RBFOX1: variants seen among roughly 807,000 people sequenced by gnomAD.
The protein encoded by RBFOX1 is RNA binding protein fox-1 homolog 1.
In RBFOX1, 8 loss-of-function variants were observed where a neutral mutation model predicts 57.7. That is an observed-to-expected ratio of 0.14 (90% CI 0.08 to 0.25). RBFOX1 has a LOEUF of 0.25. RBFOX1 is among the 10% of genes least tolerant of loss of function. The probability of loss-of-function intolerance (pLI) is 1.00; values close to 1 mark genes in which losing one functional copy is unlikely to be tolerated. For synonymous variants in RBFOX1, 326 were observed against 222.4 expected (o/e 1.47, Z -4.15); for missense variants, 611 against 548.5 (o/e 1.11, Z -1.14).
chr16:6,762,157 TGTA>T (rs1381683991), intron 3 of RBFOX1, among the ~76,000 whole-genome samples: 2 of 152,132 alleles, frequency 1.3e-5, no homozygotes, highest in Non-Finnish European at 2.9e-5. Flanking sequence ...CTCTGTAAAA[TGTA>T]GTAACAGTAA....
chr16:5,842,176 G>A (rs1395362213), intron 3 of RBFOX1, among the ~76,000 whole-genome samples: 1 of 152,206 alleles, frequency 6.6e-6, no homozygotes, highest in Middle Eastern at 3.2e-3. Flanking sequence ...AGGGAACAGT[G>A]TTTAAAAGGC....
At chr16:6,379,073 G>A (rs1443229840) in intron 2 of RBFOX1, among the ~76,000 whole-genome samples, 1 of 152,126 alleles carries the variant, frequency 6.6e-6, no homozygotes, top group Non-Finnish European at 1.5e-5. Flanking sequence ...GGAGGAGGAG[G>A]AGGATGCCCA....
chr16:7,033,054 G>C (rs963236033), intron 3 of RBFOX1, among the ~76,000 whole-genome samples: 1 of 152,128 alleles, frequency 6.6e-6, no homozygotes, highest in Non-Finnish European at 1.5e-5. Flanking sequence ...CACTAGCCCT[G>C]TCTTCAGAAG....
intron 9 of RBFOX1, among the ~76,000 whole-genome samples, chr16:7,602,233 C>T (rs1053599298): frequency 2.0e-5 from 3 of 152,152 alleles, no homozygotes; most frequent in African/African-American, 7.2e-5. Flanking sequence ...GACACTTGAC[C>T]TTTGACAAGC....
At chr16:7,196,488 A>T (rs1167471764) in intron 4 of RBFOX1, among the ~76,000 whole-genome samples, 1 of 152,204 alleles carries the variant, frequency 6.6e-6, no homozygotes, top group Non-Finnish European at 1.5e-5. Context: ...TGGCTTCCCA[A>T]ACATTTAAGA....
At chr16:5,572,698 C>T (rs2046322381) in intron 2 of RBFOX1, among the ~76,000 whole-genome samples, 1 of 152,018 alleles carries the variant, frequency 6.6e-6, no homozygotes, top group Non-Finnish European at 1.5e-5. Flanking sequence ...GTAGGGTTGG[C>T]CATTTTACAA....
chr16:6,702,120 G>C (rs756860128), intron 3 of RBFOX1, among the ~76,000 whole-genome samples: 4 of 152,110 alleles, frequency 2.6e-5, no homozygotes, highest in African/African-American at 9.7e-5. Context: ...ATTAGACCTC[G>C]TGGTAAATCA....
rs1598037658 is a variant in RBFOX1 at position 6,946,000 on chromosome 16, T to C, written c.-15-106057T>C. Among the ~76,000 whole-genome samples, 4 of 152,366 alleles carry C rather than the reference T, an allele frequency of 2.6e-5. No individual in the cohort carries two copies. In the South Asian group the frequency reaches 8.3e-4, roughly 32 times the overall value. ...AGTGTCTTTTGGCCTGAGGTCTTTC[T>C]GGAGCCTCTGGAGCCCCCTTTGCCT... On this transcript the variant is annotated intron_variant, in intron 3 of 15. Coordinates refer to ENST00000550418, the MANE Select transcript of RBFOX1 (RefSeq NM_018723.4).
chr16:7,023,564 T>TAAAAAAAACAAAAAAAA (rs2039955753), intron 3 of RBFOX1, among the ~76,000 whole-genome samples: 1 of 43,916 alleles, frequency 2.3e-5, no homozygotes, highest in Non-Finnish European at 4.1e-5. Flanking sequence ...TCGTCTGTAC[T>TAAAAAAAACAAAAAAAA]AAAAAAAAAA....
Position 6,906,650 on chromosome 16 carries a change from A to T in RBFOX1, c.-15-145407A>T, listed in dbSNP as rs1048837988. On this transcript the variant is annotated intron_variant, in intron 3 of 15. Transcript: ENST00000550418. ...TGAGGACAGGAACAGCGTTTTCTTC[A>T]TCTCTGAACTCTTGGGACTTAAAAA... 1.6e-4 allele frequency among the ~76,000 whole-genome samples: 25 copies of T among 152,146 alleles called. No homozygotes were observed. In the East Asian group the frequency reaches 3.3e-3, roughly 20 times the overall value.
chr16:6,802,244 C>T (rs184722838), intron 3 of RBFOX1, among the ~76,000 whole-genome samples: 2 of 152,208 alleles, frequency 1.3e-5, no homozygotes, highest in Admixed American at 6.5e-5. Flanking sequence ...CTTAACCACT[C>T]AGTCAGTGCC....
At chr16:7,594,328 G>C (rs968720937) in intron 7 of RBFOX1, among the ~76,000 whole-genome samples, 7 of 152,092 alleles carry the variant, frequency 4.6e-5, no homozygotes, top group African/African-American at 1.7e-4. Context: ...ACTCAACTTG[G>C]AGCCAACAAG....
intron 5 of RBFOX1, among the ~76,000 whole-genome samples, chr16:7,567,452 T>G (rs1490185787): frequency 8.4e-6 from 1 of 118,658 alleles, no homozygotes; most frequent in Admixed American, 8.8e-5. Flanking sequence ...TATATCCCTA[T>G]GTATGGCCCT....
At chr16:7,530,279 G>A (rs938422863) in intron 5 of RBFOX1, among the ~76,000 whole-genome samples, 1 of 152,046 alleles carries the variant, frequency 6.6e-6, no homozygotes, top group South Asian at 2.1e-4. Flanking sequence ...ACTGTACCAT[G>A]CCCTTCCTCT....
At chr16:7,504,301 C>G (rs908466892) in intron 4 of RBFOX1, among the ~76,000 whole-genome samples, 1 of 151,726 alleles carries the variant, frequency 6.6e-6, no homozygotes, top group Non-Finnish European at 1.5e-5. Context: ...TGGTTTAAGC[C>G]CTTCTAATTG....
intron 1 of RBFOX1, among the ~76,000 whole-genome samples, chr16:5,455,383 T>C (rs1441657160): frequency 6.6e-6 from 1 of 152,130 alleles, no homozygotes; most frequent in Admixed American, 6.5e-5. Context: ...GTATCACTTA[T>C]GCCATACTCT....
chr16:7,427,598 CTTTCT>C (rs948976500), intron 4 of RBFOX1, among the ~76,000 whole-genome samples: 22 of 151,558 alleles, frequency 1.5e-4, no homozygotes, highest in African/African-American at 3.9e-4. Context: ...TTAACTCTTT[CTTTCT>C]TTTCTTTTCT....
chr16:5,673,981 G>A (rs2050092278), intron 3 of RBFOX1, among the ~76,000 whole-genome samples: 2 of 152,238 alleles, frequency 1.3e-5, no homozygotes, highest in Admixed American at 1.3e-4. Context: ...GGAGAGGAAA[G>A]ATAACAAGTG....
chr16:7,529,178 T>C (rs2079391997), intron 5 of RBFOX1, among the ~76,000 whole-genome samples: 4 of 152,082 alleles, frequency 2.6e-5, no homozygotes, highest in Admixed American at 2.6e-4. Context: ...GAAGAATTGC[T>C]TGAACCTGGG....
Sources: allele counts gnomAD v4.1 joint callset (sites outside exome capture counted in the v4.1 genomes callset), GRCh38; gene constraint gnomAD v4.1.1; transcripts MANE v1.5; gene names NCBI Gene and HGNC (gene_info 2026-07-23, HGNC 2026-07-21).